TAC4: variants seen among roughly 807,000 people sequenced by gnomAD.
TAC4 encodes tachykinin precursor 4, also known as tachykinin-4.
A neutral mutation model predicts 17.7 loss-of-function variants in TAC4; 17 were observed. The observed-to-expected ratio is 0.96, with a 90% CI of 0.66 to 1.44. TAC4 has a LOEUF of 1.44. TAC4 is among the 40% of genes most tolerant of loss of function. The pLI is 0.00. For synonymous variants in TAC4, 62 were observed against 52.4 expected, an observed-to-expected ratio of 1.18 and a Z score of -0.79; for missense variants, 118 against 125.6, an observed-to-expected ratio of 0.94 and a Z score of 0.29.
chr17:49,842,029 G>A (rs1233154251), intron 2 of TAC4, among the ~76,000 whole-genome samples: 2 of 144,962 alleles, frequency 1.4e-5, no homozygotes, highest in South Asian at 2.3e-4. Flanking sequence ...TCAGCCTCCC[G>A]AGTAGCCAGG....
In TAC4 at chr17:49,847,793, G is replaced by T. The variant is rs139106299; in HGVS notation, c.105+120C>A. On this transcript the variant is annotated intron_variant, in intron 1 of 4. Transcript: ENST00000436235. ...CCCATGGTAGAGAGTCAGACAACTT[G>T]CCTTGCAGACTGCCTGCTCTCCCAG... 4 of 1,562,224 alleles carry T rather than the reference G, an allele frequency of 2.6e-6. No homozygotes were observed. In the East Asian group the frequency reaches 9.1e-5, roughly 36 times the overall value.
intron 4 of TAC4, among the ~76,000 whole-genome samples, chr17:49,839,435 G>T (rs883010): frequency 0.88 from 134,205 of 152,266 alleles, 59,265 homozygotes; most frequent in South Asian, 0.94. Context: ...TATTTACAGT[G>T]GTTGAAGGCA....
intron 1 of TAC4, chr17:49,846,957 A>G (rs772493155): frequency 7.8e-7 from 1 of 1,288,358 alleles, no homozygotes; most frequent in Non-Finnish European, 1.0e-6. Flanking sequence ...TCCAGAAAGA[A>G]GCAGGCATCA....
In TAC4 at chr17:49,844,072, C is replaced by G. The variant is rs201147441; in HGVS notation, c.191G>C (p.Arg64Pro). 6.2e-7 allele frequency: 1 copy of G among 1,613,844 alleles called. No homozygotes were observed. The highest frequency in any genetic ancestry group is 1.1e-5 in the South Asian group (1 of 91,064). Reference protein sequence around the residue: ...ASQFFGLMGKRVGGRPLIQPR... With the variant: ...ASQFFGLMGKPVGGRPLIQPR... ...TTGTCATTGTCACTCACCTCCCACT[C>G]GCTTCCCCATCAGCCCAAAGAACTG... The change falls in exon 2 of 5, where the codon CGA becomes CCA. Residue 64 changes from arginine (R) to proline (P), a missense_variant. Coordinates refer to ENST00000436235, the MANE Select transcript of TAC4 (RefSeq NM_001077506.2).
rs536638786 is a variant in TAC4, at chr17:49,847,267, A to C, written c.105+646T>G. The C allele has an allele frequency of 6.0e-5, 77 of 1,288,296 alleles. 1 individual carries two copies. In the South Asian group the frequency reaches 9.0e-4, roughly 15 times the overall value. 79.8% of individuals were successfully genotyped at this position (1,288,296 alleles called of 1,614,324 possible). ...CCGTCTTTGTCTCTGGCTTGTTGGTATCTGTCCCTTGTCTGATTAGGGAAC... is the reference window on the plus strand; with the variant it reads ...CCGTCTTTGTCTCTGGCTTGTTGGTCTCTGTCCCTTGTCTGATTAGGGAAC... On this transcript the variant is annotated intron_variant, in intron 1 of 4. Transcript: ENST00000436235.
Position 49,839,764 on chromosome 17 carries a change from GC to G in TAC4, c.292+85del, listed in dbSNP as rs2074482898. On this transcript the variant is annotated intron_variant, in intron 4 of 4. Transcript: ENST00000436235. ...TTGTGGGGAGCCTGTCTGTCTAGCT[GC>G]CCAGCCCCCATCTTGCAGACTGGCA... is the stretch of plus-strand genomic sequence containing the variant. 13 of 1,311,282 alleles carry G rather than the reference GC, an allele frequency of 9.9e-6. 1 individual carries two copies. The Middle Eastern group carries it at 2.2e-3, about 225-fold the overall frequency. The allele number at this position is 1,311,282 out of a possible 1,614,324, so 81.2% of individuals were successfully genotyped here.
chr17:49,840,685 T>G (rs2074490580), intron 3 of TAC4, among the ~76,000 whole-genome samples: 1 of 151,814 alleles, frequency 6.6e-6, no homozygotes, highest in African/African-American at 2.4e-5. Context: ...ATATTTTTAG[T>G]AGAGACAGGG....
Position 49,844,150 on chromosome 17 carries a change from G to T in TAC4, c.113C>A (p.Ala38Asp). The T allele has an allele frequency of 1.2e-6, 2 of 1,613,772 alleles. No homozygotes were observed. Among genetic ancestry groups the T allele is most frequent in the Non-Finnish European group, 1.7e-6 (2 of 1,179,688 alleles). Residue 38 changes from alanine (A) to aspartate (D), a missense_variant, in exon 2 of 5, where the codon GCT (alanine) becomes GAT (aspartate). Transcript: ENST00000436235. ...LSTEAETWEG[A>D]GPSIQLQLQE... ...CAGCTGGAGCTGAATGCTGGGGCCA[G>T]CGCCTTCCTGAAGAAGCAGAGAGTT... is the stretch of plus-strand genomic sequence containing the variant.
intron 3 of TAC4, 50 bp from the exon 4 acceptor site, chr17:49,839,959 C>T (rs760984630): frequency 1.9e-6 from 3 of 1,590,208 alleles, no homozygotes; most frequent in Non-Finnish European, 2.6e-6. Context: ...CAGAGGTAGG[C>T]TGTTTTGGGA....
At chr17:49,847,304 G>T in intron 1 of TAC4, 1 of 1,251,178 alleles carries the variant, frequency 8.0e-7, no homozygotes, top group Non-Finnish European at 1.0e-6. Context: ...CCTGAGGTCA[G>T]GATCTTTGCC....
At chr17:49,847,284 T>G in intron 1 of TAC4, 1 of 1,277,284 alleles carries the variant, frequency 7.8e-7, no homozygotes, top group Non-Finnish European at 1.0e-6. Context: ...CCTTGTCTGA[T>G]TAGGGAACGC....
intron 1 of TAC4, chr17:49,847,672 C>A (rs1006957912): frequency 2.4e-5 from 7 of 294,920 alleles, no homozygotes; most frequent in Admixed American, 2.3e-4. Context: ...GTATTTCTTA[C>A]ACACACACAC....
Position 49,838,316 on chromosome 17 carries a change from T to TA in TAC4, c.*325_*326insT, listed in dbSNP as rs2074471463. The TA allele has an allele frequency of 2.5e-6, 1 of 406,512 alleles. No individual in the cohort carries two copies. Among genetic ancestry groups the TA allele is most frequent in the African/African-American group, 2.1e-5 (1 of 47,020 alleles). The allele number at this position is 406,512 out of a possible 1,614,324, so 25.2% of individuals were successfully genotyped here. A position where few individuals can be genotyped will look rare whatever the true frequency, so the allele number is the denominator to read the frequency against. On this transcript the variant is annotated 3_prime_UTR_variant, in exon 5 of 5. Transcript: ENST00000436235. ...AAGGAGCCATTCACTGGTCACTCAT[T>TA]TATTGAGTGCCTACTGTGTGCTAGG... is the stretch of plus-strand genomic sequence containing the variant.
intron 1 of TAC4, among the ~76,000 whole-genome samples, chr17:49,845,279 G>A (rs142490583): frequency 7.2e-5 from 11 of 152,296 alleles, no homozygotes; most frequent in Non-Finnish European, 1.3e-4. Context: ...TGTGCTGATG[G>A]CATCCTCAAC....
chr17:49,840,887 C>CTTTTT (rs778120935), intron 3 of TAC4, among the ~76,000 whole-genome samples: 9 of 79,566 alleles, frequency 1.1e-4, no homozygotes, highest in African/African-American at 1.8e-4. Flanking sequence ...TAGATTTGTA[C>CTTTTT]TTTTTTTTTT....
chr17:49,838,649 G>A lies in TAC4; in HGVS notation c.317C>T (p.Ser106Leu). 1 of 1,613,660 alleles carries A rather than the reference G, an allele frequency of 6.2e-7. No individual in the cohort carries two copies. Among genetic ancestry groups the A allele is most frequent in the Non-Finnish European group, 8.5e-7 (1 of 1,179,822 alleles). Residue 106 changes from serine to leucine, a missense_variant, in exon 5 of 5, where the codon TCA becomes TTA. By Grantham distance (145) the Ser-to-Leu change is moderately radical. Transcript: ENST00000436235. ...TEGREDEAQGSE is the reference protein window; with the variant it reads ...TEGREDEAQGLE ...AGTCTGTGGTGGGGGCTTTTACTCT[G>A]AACCTTGGGCCTCATCCTCTCTGCC...
Position 49,839,796 on chromosome 17 carries a change from GTGTC to G in TAC4, c.292+50_292+53del, listed in dbSNP as rs375951210. On this transcript the variant is annotated intron_variant, in intron 4 of 4. Coordinates refer to ENST00000436235, the MANE Select transcript of TAC4 (RefSeq NM_001077506.2). The stretch of plus-strand genomic sequence containing the variant: ...CCCCATCTTGCAGACTGGCAGCAAA[GTGTC>G]TGGCCATTTTCCCATGATGCCCTTG... 2.4e-4 allele frequency: 366 copies of G among 1,546,446 alleles called. 1 individual carries two copies. The South Asian group carries it at 3.1e-3, about 13-fold the overall frequency.
chr17:49,846,179 T>A (rs1419438638), intron 1 of TAC4: 1 of 1,288,078 alleles, frequency 7.8e-7, no homozygotes, highest in Non-Finnish European at 1.0e-6. Context: ...TCCATATCCA[T>A]TTAACCCAAA....
chr17:49,844,119 C>A lies in TAC4; in HGVS notation c.144G>T (p.Glu48Asp), dbSNP rs755088493. The change falls in exon 2 of 5, where the codon GAG (glutamate) becomes GAT (aspartate). Residue 48 changes from glutamate (E) to aspartate (D), a missense_variant. Transcript: ENST00000436235. ...ACTGGCTTGCCTTGCCCGTCTTCAC[C>A]TCCTGCAGCTGGAGCTGAATGCTGG... ...AGPSIQLQLQ[E>D]VKTGKASQFF... is the part of the protein sequence containing the mutation. 89 of 1,613,904 alleles carry A rather than the reference C, an allele frequency of 5.5e-5. No homozygotes were observed. Among genetic ancestry groups the A allele is most frequent in the Non-Finnish European group, 8.5e-7 (1 of 1,179,878 alleles).
Sources: gnomAD v4.1 joint callset for allele counts (sites outside exome capture counted in the v4.1 genomes callset) on GRCh38, gnomAD v4.1.1 for gene constraint, MANE v1.5 for transcripts, NCBI Gene and HGNC (gene_info 2026-07-23, HGNC 2026-07-21) for gene names.